ERBB4: variants seen among roughly 807,000 people sequenced by gnomAD.
ERBB4 encodes receptor tyrosine-protein kinase erbB-4.
In ERBB4, 42 loss-of-function variants were observed where a neutral mutation model predicts 158.0. The observed-to-expected ratio is 0.27, with a 90% CI of 0.21 to 0.34. ERBB4 has a LOEUF of 0.34. ERBB4 is among the 10% of genes least tolerant of loss of function. The pLI, the probability that ERBB4 is intolerant of heterozygous loss-of-function variation, is 1.00. For missense variants in ERBB4, 1,333 were observed against 1,624.1 expected, an observed-to-expected ratio of 0.82 and a Z score of 3.08; for synonymous variants, 583 against 558.7, an observed-to-expected ratio of 1.04 and a Z score of -0.61.
chr2:212,238,125 T>C (rs553536629), intron 1 of ERBB4, among the ~76,000 whole-genome samples: 16 of 152,316 alleles, frequency 1.1e-4, no homozygotes, highest in Admixed American at 2.0e-4. Flanking sequence ...CACTGAGGTA[T>C]GAAAAATAAT....
chr2:212,419,091 G>C (rs867843295), intron 1 of ERBB4, among the ~76,000 whole-genome samples: 4 of 150,178 alleles, frequency 2.7e-5, no homozygotes, highest in Admixed American at 1.3e-4. Flanking sequence ...TATGTATACA[G>C]TACTCTTCCT....
intron 1 of ERBB4, among the ~76,000 whole-genome samples, chr2:212,171,300 T>C (rs147988247): frequency 1.3e-5 from 2 of 150,998 alleles, no homozygotes; most frequent in Admixed American, 6.6e-5. Flanking sequence ...CATACCCCCA[T>C]TGTATCTTGG....
rs577590926 is a variant in ERBB4, at chr2:211,376,558, A to G, written c.*7057T>C. ...CCTTTGAAGATACTTCACAAGAGAG[A>G]GGGCTTGTTTTCTGCTTACAAGTTA... On this transcript the variant is annotated 3_prime_UTR_variant, in exon 28 of 28. Transcript: ENST00000342788. 4.3e-6 allele frequency: 1 copy of G among 232,800 alleles called. No individual in the cohort carries two copies. Among genetic ancestry groups the G allele is most frequent in the African/African-American group, 2.2e-5 (1 of 45,414 alleles). 14.4% of individuals were successfully genotyped at this position (232,800 alleles called of 1,614,324 possible). A position where few individuals can be genotyped will look rare whatever the true frequency, so the allele number is the denominator to read the frequency against.
intron 1 of ERBB4, among the ~76,000 whole-genome samples, chr2:212,155,603 G>A (rs560835029): frequency 6.6e-6 from 1 of 152,064 alleles, no homozygotes; most frequent in East Asian, 1.9e-4. Flanking sequence ...CAAGAAGCGA[G>A]AGGTTCTTAA....
chr2:211,700,335 C>G (rs568666225), intron 12 of ERBB4, among the ~76,000 whole-genome samples: 20 of 151,950 alleles, frequency 1.3e-4, no homozygotes, highest in Admixed American at 2.6e-4. Context: ...TAACACAGGC[C>G]AAATGAAATA....
chr2:212,274,147 T>C (rs2085443051), intron 1 of ERBB4, among the ~76,000 whole-genome samples: 1 of 151,880 alleles, frequency 6.6e-6, no homozygotes, highest in Non-Finnish European at 1.5e-5. Context: ...ATCAATACTC[T>C]AACTGTATAT....
chr2:212,069,952 T>TA (rs1321084979), intron 2 of ERBB4, among the ~76,000 whole-genome samples: 2 of 139,784 alleles, frequency 1.4e-5, no homozygotes, highest in Non-Finnish European at 3.1e-5. Context: ...AACCATGTCT[T>TA]AAAAAAAAGA....
intron 1 of ERBB4, among the ~76,000 whole-genome samples, chr2:212,166,059 T>C (rs888260265): frequency 6.6e-6 from 1 of 151,896 alleles, no homozygotes; most frequent in African/African-American, 2.4e-5. Flanking sequence ...TCACAATCAT[T>C]TTTTTTTCAA....
At chr2:211,448,030 TG>T (rs1409598498) in intron 20 of ERBB4, among the ~76,000 whole-genome samples, 2 of 152,154 alleles carry the variant, frequency 1.3e-5, no homozygotes, top group African/African-American at 2.4e-5. Context: ...TGGAGTGCAG[TG>T]GCACCATCTC....
chr2:211,755,587 C>A (rs929837037), intron 4 of ERBB4, among the ~76,000 whole-genome samples: 27 of 152,350 alleles, frequency 1.8e-4, no homozygotes, highest in Admixed American at 1.5e-3. Context: ...CACAAGCAAT[C>A]CCTCTGCTTT....
intron 13 of ERBB4, among the ~76,000 whole-genome samples, chr2:211,674,508 A>T (rs1247683732): frequency 6.6e-6 from 1 of 152,146 alleles, no homozygotes; most frequent in African/African-American, 2.4e-5. Context: ...TATGAAATGC[A>T]CATATATTGA....
intron 22 of ERBB4, among the ~76,000 whole-genome samples, 180 bp from the exon 23 acceptor site, chr2:211,424,481 T>C (rs538571867): frequency 1.9e-4 from 29 of 151,870 alleles, no homozygotes; most frequent in African/African-American, 6.8e-4. Flanking sequence ...AAAATCTTTG[T>C]GGGGGAATTC....
At chr2:212,374,218 C>G (rs895939740) in intron 1 of ERBB4, among the ~76,000 whole-genome samples, 1 of 150,388 alleles carries the variant, frequency 6.6e-6, no homozygotes, top group African/African-American at 2.4e-5. Context: ...TTTTAAAATA[C>G]CAATAATAAT....
intron 3 of ERBB4, among the ~76,000 whole-genome samples, chr2:211,937,963 C>T: frequency 6.6e-6 from 1 of 152,068 alleles, no homozygotes; most frequent in East Asian, 1.9e-4. Flanking sequence ...CAACAGAAAA[C>T]CCAAGTCATA....
intron 1 of ERBB4, among the ~76,000 whole-genome samples, chr2:212,152,208 T>C (rs920346311): frequency 1.3e-5 from 2 of 152,130 alleles, no homozygotes; most frequent in Non-Finnish European, 2.9e-5. Context: ...GTCAAATCGG[T>C]CTCCATCATC....
intron 2 of ERBB4, among the ~76,000 whole-genome samples, chr2:212,118,112 C>T (rs1384763135): frequency 6.6e-6 from 1 of 152,104 alleles, no homozygotes; most frequent in African/African-American, 2.4e-5. Context: ...AACCATCCCC[C>T]ACACTGTTGG....
At chr2:211,895,926 T>C (rs1330162752) in intron 3 of ERBB4, among the ~76,000 whole-genome samples, 3 of 152,190 alleles carry the variant, frequency 2.0e-5, no homozygotes, top group Non-Finnish European at 4.4e-5. Flanking sequence ...CAGTCTTCAC[T>C]GCACTGGCTT....
At chr2:211,762,699 G>C (rs935800859) in intron 4 of ERBB4, among the ~76,000 whole-genome samples, 1 of 152,140 alleles carries the variant, frequency 6.6e-6, no homozygotes, top group East Asian at 1.9e-4. Flanking sequence ...TTTGAGAAAC[G>C]TGGTTCAACA....
At chr2:211,881,462 A>G (rs1248827725) in intron 3 of ERBB4, among the ~76,000 whole-genome samples, 2 of 152,082 alleles carry the variant, frequency 1.3e-5, no homozygotes, top group Non-Finnish European at 2.9e-5. Flanking sequence ...GAGAAGGACT[A>G]CCTGAGGGCC....
Sources: allele counts gnomAD v4.1 joint callset (sites outside exome capture counted in the v4.1 genomes callset), GRCh38; gene constraint gnomAD v4.1.1; transcripts MANE v1.5; gene names NCBI Gene and HGNC (gene_info 2026-07-23, HGNC 2026-07-21).